TMEM132D: variants seen among roughly 807,000 people sequenced by gnomAD.
TMEM132D encodes mature OL transmembrane protein.
Under a neutral mutation model 62.3 loss-of-function variants are expected in TMEM132D, and 21 were observed. That is an observed-to-expected ratio of 0.34 (90% CI 0.24 to 0.49). TMEM132D has a LOEUF of 0.49. Ranked by LOEUF, TMEM132D falls within the 20% of genes least tolerant of loss-of-function variation. TMEM132D has a pLI of 0.99. For synonymous variants in TMEM132D, 621 were observed against 575.6 expected, an observed-to-expected ratio of 1.08 and a Z score of -1.13; for missense variants, 1,346 against 1,402.8, an observed-to-expected ratio of 0.96 and a Z score of 0.65.
intron 3 of TMEM132D, among the ~76,000 whole-genome samples, chr12:129,450,881 G>A (rs868119238): frequency 7.2e-5 from 10 of 138,046 alleles, no homozygotes; most frequent in African/African-American, 2.2e-4. Context: ...TCAGCCTCCC[G>A]AGTAGCTGGG....
intron 1 of TMEM132D, among the ~76,000 whole-genome samples, chr12:129,837,265 TA>T (rs1309489806): frequency 6.6e-6 from 1 of 152,212 alleles, no homozygotes; most frequent in African/African-American, 2.4e-5. Flanking sequence ...GACATCTCCC[TA>T]AAAGAATTTA....
intron 1 of TMEM132D, among the ~76,000 whole-genome samples, chr12:129,892,769 C>G (rs1007784769): frequency 6.6e-6 from 1 of 152,168 alleles, no homozygotes; most frequent in African/African-American, 2.4e-5. Context: ...GAGCCCAGAA[C>G]CCTGGGCCAT....
At chr12:129,125,968 G>C (rs1049410152) in intron 5 of TMEM132D, among the ~76,000 whole-genome samples, 1 of 152,238 alleles carries the variant, frequency 6.6e-6, no homozygotes, top group East Asian at 1.9e-4. Context: ...TTTCCTGCAA[G>C]TTTATATAGC....
Position 129,439,175 on chromosome 12 carries a change from G to A in TMEM132D, c.1115+91884C>T, listed in dbSNP as rs1013393491. 2.0e-5 allele frequency among the ~76,000 whole-genome samples: 3 copies of A among 152,204 alleles called. No homozygotes were observed. The South Asian group carries it at 6.2e-4, about 32-fold the overall frequency. On this transcript the variant is annotated intron_variant, in intron 3 of 8. Transcript: ENST00000422113. ...ACATTGGGAATTACTGAATAAATGA[G>A]AGTAGTCAGAGAGTTTCTGTCTAAA...
intron 3 of TMEM132D, among the ~76,000 whole-genome samples, chr12:129,416,746 G>T (rs1872132855): frequency 6.6e-6 from 1 of 152,134 alleles, no homozygotes; most frequent in Non-Finnish European, 1.5e-5. Flanking sequence ...AGTATTTTTA[G>T]CATGAAGGGA....
rs1175215808 is a variant in TMEM132D, at chr12:129,688,215, A to G, written c.968+11595T>C. Among the ~76,000 whole-genome samples the G allele has an allele frequency of 2.0e-5, 3 of 152,224 alleles. No homozygotes were observed. In the East Asian group the frequency reaches 5.8e-4, roughly 29 times the overall value. On this transcript the variant is annotated intron_variant, in intron 2 of 8. Transcript: ENST00000422113. The stretch of plus-strand genomic sequence containing the variant: ...CACAAACAGGCATTTACTTACATGA[A>G]TCAATCATACAGGAGAGAGAGAGAG...
chr12:129,617,185 A>G (rs1050164965), intron 2 of TMEM132D, among the ~76,000 whole-genome samples: 4 of 152,210 alleles, frequency 2.6e-5, no homozygotes, highest in Admixed American at 1.3e-4. Flanking sequence ...ACTGATGGAG[A>G]AAACAAGGCC....
chr12:129,135,056 C>T (rs557567485), intron 5 of TMEM132D, among the ~76,000 whole-genome samples: 7 of 152,232 alleles, frequency 4.6e-5, no homozygotes, highest in Non-Finnish European at 7.4e-5. Context: ...AATGGAATTG[C>T]GTGTGGTCAT....
intron 2 of TMEM132D, among the ~76,000 whole-genome samples, chr12:129,629,272 A>G (rs1269508779): frequency 1.3e-5 from 2 of 151,748 alleles, no homozygotes; most frequent in African/African-American, 4.8e-5. Context: ...TGCAGACCCT[A>G]CTCCACATTA....
At chr12:129,644,717 A>C (rs1241335742) in intron 2 of TMEM132D, among the ~76,000 whole-genome samples, 1 of 151,594 alleles carries the variant, frequency 6.6e-6, no homozygotes. Context: ...AGTGGCTCAC[A>C]CCTGTAATCC....
In TMEM132D at chr12:129,272,386, C is replaced by T. The variant is rs117180330; in HGVS notation, c.1300-62723G>A. Reference sequence around the variant, plus strand: ...GACTGTAATACTGGAGAGTCACCTACAAGCTTCACTGGATGAAGTCACTGG... The same window carrying T: ...GACTGTAATACTGGAGAGTCACCTATAAGCTTCACTGGATGAAGTCACTGG... On this transcript the variant is annotated intron_variant, in intron 4 of 8. Coordinates refer to ENST00000422113, the MANE Select transcript of TMEM132D (RefSeq NM_133448.3). 6.8e-3 allele frequency among the ~76,000 whole-genome samples: 1,038 copies of T among 151,932 alleles called. 6 individuals are homozygous for T. Among genetic ancestry groups the T allele is most frequent in the Middle Eastern group, 0.017 (5 of 294 alleles).
chr12:129,553,324 C>A (rs1218772076), intron 2 of TMEM132D, among the ~76,000 whole-genome samples: 5 of 152,200 alleles, frequency 3.3e-5, no homozygotes, highest in African/African-American at 1.2e-4. Context: ...GTCAGGCTCG[C>A]CTTTCCCCTG....
intron 5 of TMEM132D, among the ~76,000 whole-genome samples, chr12:129,116,852 A>T (rs1441663862): frequency 6.8e-6 from 1 of 147,758 alleles, no homozygotes; most frequent in South Asian, 2.2e-4. Flanking sequence ...GAAATTAAAC[A>T]TATCTTGCCA....
chr12:129,204,080 G>A (rs545316859), intron 5 of TMEM132D, among the ~76,000 whole-genome samples: 10 of 152,164 alleles, frequency 6.6e-5, no homozygotes, highest in Non-Finnish European at 1.3e-4. Context: ...CCACACAAAT[G>A]AGAAAGAGCA....
intron 3 of TMEM132D, among the ~76,000 whole-genome samples, chr12:129,530,389 C>G (rs780148774): frequency 1.3e-5 from 2 of 152,112 alleles, no homozygotes; most frequent in Non-Finnish European, 2.9e-5. Context: ...TGTGACCAGA[C>G]TAGGAAACCC....
chr12:129,217,800 T>C (rs1879249640), intron 4 of TMEM132D, among the ~76,000 whole-genome samples: 1 of 152,230 alleles, frequency 6.6e-6, no homozygotes, highest in Non-Finnish European at 1.5e-5. Context: ...TTGCGTTACA[T>C]ATTGAGACAT....
chr12:129,085,169 C>G (rs1480057282), intron 5 of TMEM132D: 1 of 179,786 alleles, frequency 5.6e-6, no homozygotes, highest in Non-Finnish European at 1.2e-5. Context: ...TTCTTAAGAG[C>G]TCCTCAAGGA....
intron 5 of TMEM132D, among the ~76,000 whole-genome samples, chr12:129,094,279 C>T (rs1410273743): frequency 1.3e-5 from 2 of 152,058 alleles, no homozygotes; most frequent in African/African-American, 4.8e-5. Flanking sequence ...TGCAATCTAC[C>T]CATCTGACAA....
At position 129,802,718 on chromosome 12, in the gene TMEM132D, G is replaced by C. The variant is rs1251791148; in HGVS notation, c.79+100543C>G. ...AACTTTAAATGTAAATGGACTAAAT[G>C]CTCCAATTAAAAGACATAGACTGGC... On this transcript the variant is annotated intron_variant, in intron 1 of 8. Coordinates refer to ENST00000422113, the MANE Select transcript of TMEM132D (RefSeq NM_133448.3). Among the ~76,000 whole-genome samples the C allele has an allele frequency of 7.9e-5, 12 of 151,090 alleles. No homozygotes were observed. In the South Asian group the frequency reaches 2.1e-3, roughly 27 times the overall value.
Sources: gnomAD v4.1 joint callset for allele counts (sites outside exome capture counted in the v4.1 genomes callset) on GRCh38, gnomAD v4.1.1 for gene constraint, MANE v1.5 for transcripts, NCBI Gene and HGNC (gene_info 2026-07-23, HGNC 2026-07-21) for gene names.